The following RALGPS2 variants were observed in gnomAD, a reference collection of about 807,000 sequenced individuals.
RALGPS2 encodes ras-specific guanine nucleotide-releasing factor RalGPS2.
Under a neutral mutation model 86.8 loss-of-function variants are expected in RALGPS2, and 43 were observed. The observed-to-expected ratio is 0.50, with a 90% CI of 0.39 to 0.64. RALGPS2 has a LOEUF of 0.64. Ranked by LOEUF, RALGPS2 falls within the 30% of genes least tolerant of loss-of-function variation. The probability of loss-of-function intolerance (pLI) is 0.00; values close to 1 mark genes in which losing one functional copy is unlikely to be tolerated. For missense variants in RALGPS2, 536 were observed against 694.6 expected, an observed-to-expected ratio of 0.77 and a Z score of 2.57; for synonymous variants, 243 against 231.3, an observed-to-expected ratio of 1.05 and a Z score of -0.46.
intron 8 of RALGPS2, among the ~76,000 whole-genome samples, chr1:178,838,190 A>G (rs1207217942): frequency 6.6e-6 from 1 of 152,190 alleles, no homozygotes; most frequent in Non-Finnish European, 1.5e-5. Flanking sequence ...TTCTCGCAGC[A>G]CAGAGTTTGA....
At chr1:178,826,517 C>T (rs1218175030) in intron 7 of RALGPS2, among the ~76,000 whole-genome samples, 1 of 152,040 alleles carries the variant, frequency 6.6e-6, no homozygotes, top group Non-Finnish European at 1.5e-5. Context: ...CAAATTCATA[C>T]AGACAGAATC....
intron 1 of RALGPS2, among the ~76,000 whole-genome samples, chr1:178,731,874 C>T (rs1650385641): frequency 6.6e-6 from 1 of 152,054 alleles, no homozygotes; most frequent in African/African-American, 2.4e-5. Context: ...CAATACAATC[C>T]ATTACTGCTA....
chr1:178,727,209 C>T (rs1650069164), intron 1 of RALGPS2, among the ~76,000 whole-genome samples: 1 of 151,302 alleles, frequency 6.6e-6, no homozygotes, highest in East Asian at 1.9e-4. Flanking sequence ...GTAAGATGTG[C>T]GTTTTTCCCA....
At position 178,790,114 on chromosome 1, in the gene RALGPS2, A is replaced by G. The variant is rs113244759; in HGVS notation, c.213+4507A>G. On this transcript the variant is annotated intron_variant, in intron 4 of 19. Transcript: ENST00000367635. ...TACACATGTGCCACCATGCCTGGCT[A>G]ATTTTTTATTTTATTTTTTTAGAGA... 1.3e-3 allele frequency among the ~76,000 whole-genome samples: 194 copies of G among 152,030 alleles called. 2 individuals are homozygous for G. Among genetic ancestry groups the G allele is most frequent in the African/African-American group, 4.3e-3 (177 of 41,498 alleles).
chr1:178,918,846 T>C lies in RALGPS2; in HGVS notation c.*2487T>C, dbSNP rs1660892281. 2 of 152,072 alleles carry C rather than the reference T, an allele frequency of 1.3e-5. No individual in the cohort carries two copies. The highest frequency in any genetic ancestry group is 2.1e-4 in the South Asian group (1 of 4,832). 9.4% of individuals were successfully genotyped at this position (152,072 alleles called of 1,614,324 possible). On this transcript the variant is annotated 3_prime_UTR_variant, in exon 20 of 20. Transcript: ENST00000367635. The stretch of plus-strand genomic sequence containing the variant: ...TCAAAGAAAATATGTTACCAAAATA[T>C]ATTAAATATATAGGTAGTTCATTCG...
In RALGPS2 at chr1:178,885,149, A is replaced by T. The variant is rs1454343878; in HGVS notation, c.978A>T (p.Thr326=). ...CTGAAGGAGCCTTGCTCCCACAGACACCGCCATCCCCTCGGAATCTGATTC... is the reference window on the plus strand; with the variant it reads ...CTGAAGGAGCCTTGCTCCCACAGACTCCGCCATCCCCTCGGAATCTGATTC... ...VAAEGALLPQ[T]PPSPRNLIPH... is the part of the protein sequence containing the mutation. Residue 326 remains threonine, a synonymous_variant, in exon 12 of 20, where the codon ACA becomes ACT. Coordinates refer to ENST00000367635, the MANE Select transcript of RALGPS2 (RefSeq NM_152663.5). 1.9e-6 allele frequency: 3 copies of T among 1,613,890 alleles called. No individual in the cohort carries two copies. The highest frequency in any genetic ancestry group is 2.5e-6 in the Non-Finnish European group (3 of 1,179,914).
chr1:178,857,657 A>G (rs1406588466), intron 8 of RALGPS2, among the ~76,000 whole-genome samples: 1 of 152,192 alleles, frequency 6.6e-6, no homozygotes, highest in African/African-American at 2.4e-5. Flanking sequence ...ATAAATTTGC[A>G]TATTCTGTAA....
chr1:178,902,029 A>G, intron 17 of RALGPS2, 77 bp from the exon 18 acceptor site: 1 of 1,017,622 alleles, frequency 9.8e-7, no homozygotes, highest in South Asian at 1.4e-5. Context: ...AACTGAAAAT[A>G]CACTCCCTAA....
At chr1:178,819,424 C>T (rs1203345366) in intron 6 of RALGPS2, among the ~76,000 whole-genome samples, 1 of 152,188 alleles carries the variant, frequency 6.6e-6, no homozygotes, top group Admixed American at 6.5e-5. Flanking sequence ...GTAAGGATTA[C>T]TTCTATCCTG....
Position 178,784,439 on chromosome 1 carries a change from T to TTAA in RALGPS2, c.80_82dup (p.Leu27_Ser28insIle). On this transcript the variant is annotated inframe_insertion, in exon 3 of 20. Coordinates refer to ENST00000367635, the MANE Select transcript of RALGPS2 (RefSeq NM_152663.5). ...ACAGAAAAGTAGCAGCTCTGAATCC[T>TTAA]TAAGTGACAAAGGCTCTGAATTGAA... 6.2e-6 allele frequency: 10 copies of TTAA among 1,604,730 alleles called. No individual in the cohort carries two copies. The highest frequency in any genetic ancestry group is 8.5e-6 in the Non-Finnish European group (10 of 1,174,064).
At position 178,729,569 on chromosome 1, in the gene RALGPS2, C is replaced by A. The variant is rs182404616; in HGVS notation, c.-84+4150C>A. 1.3e-3 allele frequency among the ~76,000 whole-genome samples: 192 copies of A among 152,300 alleles called. 2 individuals are homozygous for A. The highest frequency in any genetic ancestry group is 4.2e-3 in the African/African-American group (176 of 41,556). ...TACTACAAGGGTTATACAGGTTGAG[C>A]ATCCCAAATCTGAAAATCTGAAATC... On this transcript the variant is annotated intron_variant, in intron 1 of 19. Transcript: ENST00000367635.
chr1:178,807,926 C>A, intron 4 of RALGPS2, 119 bp from the exon 5 acceptor site: 1 of 711,826 alleles, frequency 1.4e-6, no homozygotes, highest in Non-Finnish European at 2.5e-6. Flanking sequence ...ATGTATGTTC[C>A]CATTAAATAA....
intron 1 of RALGPS2, among the ~76,000 whole-genome samples, chr1:178,730,897 C>A (rs1386345975): frequency 1.3e-5 from 2 of 152,000 alleles, no homozygotes; most frequent in African/African-American, 4.8e-5. Context: ...GACGGGGTTT[C>A]TCCATGTTGG....
intron 10 of RALGPS2, chr1:178,879,442 C>G (rs1659138529): frequency 6.5e-6 from 1 of 153,046 alleles, no homozygotes; most frequent in Admixed American, 6.5e-5. Context: ...GGAGAAGAAA[C>G]CTTTCTCCAA....
At chr1:178,738,396 A>G (rs529556713) in intron 1 of RALGPS2, among the ~76,000 whole-genome samples, 81 of 151,538 alleles carry the variant, frequency 5.3e-4, no homozygotes, top group African/African-American at 1.9e-3. Context: ...TTTAGTAGAG[A>G]CAGAGTTTCA....
chr1:178,909,008 G>C (rs1660499267), intron 19 of RALGPS2, among the ~76,000 whole-genome samples: 1 of 152,120 alleles, frequency 6.6e-6, no homozygotes, highest in Non-Finnish European at 1.5e-5. Context: ...TATATCCTAG[G>C]TTATCTTTCA....
chr1:178,766,191 A>T (rs561649891), intron 1 of RALGPS2, among the ~76,000 whole-genome samples: 1 of 152,310 alleles, frequency 6.6e-6, no homozygotes, highest in Admixed American at 6.5e-5. Context: ...TGGGGAACTA[A>T]TAAATGTCCA....
chr1:178,818,993 T>TTC (rs1217161809), intron 6 of RALGPS2, among the ~76,000 whole-genome samples: 1 of 147,142 alleles, frequency 6.8e-6, no homozygotes, highest in African/African-American at 2.5e-5. Flanking sequence ...TCTTTTTCTT[T>TTC]TTTTTTTTTT....
chr1:178,739,746 T>C (rs1450715884), intron 1 of RALGPS2, among the ~76,000 whole-genome samples: 1 of 152,224 alleles, frequency 6.6e-6, no homozygotes, highest in Non-Finnish European at 1.5e-5. Flanking sequence ...CAGATAGAAC[T>C]CATTGCCAAA....
Sources: gnomAD v4.1 joint callset for allele counts (sites outside exome capture counted in the v4.1 genomes callset) on GRCh38, gnomAD v4.1.1 for gene constraint, MANE v1.5 for transcripts, NCBI Gene and HGNC (gene_info 2026-07-23, HGNC 2026-07-21) for gene names.